ASAH1: variants seen among roughly 807,000 people sequenced by gnomAD.
The protein encoded by ASAH1 is N-acylsphingosine amidohydrolase 1.
Under a neutral mutation model 59.5 loss-of-function variants are expected in ASAH1, and 70 were observed. The ratio of observed to expected loss-of-function variants is 1.18; its 90% CI spans 0.97 to 1.43. ASAH1 has a LOEUF of 1.43. ASAH1 is among the 40% of genes most tolerant of loss of function. The pLI is 0.00. For missense variants in ASAH1, 660 were observed against 482.5 expected, an observed-to-expected ratio of 1.37 and a Z score of -3.45; for synonymous variants, 213 against 166.5, an observed-to-expected ratio of 1.28 and a Z score of -2.15.
chr8:18,080,544 A>G (rs1800609405), intron 1 of ASAH1, among the ~76,000 whole-genome samples: 1 of 151,932 alleles, frequency 6.6e-6, no homozygotes, highest in African/African-American at 2.4e-5. Context: ...TTCCTGTTCC[A>G]CTTACTCTCC....
chr8:18,057,490 G>A lies in ASAH1; in HGVS notation c.*44C>T, dbSNP rs778324510. The A allele has an allele frequency of 4.9e-6, 7 of 1,442,068 alleles. No individual in the cohort carries two copies. The highest frequency in any genetic ancestry group is 1.4e-5 in the African/African-American group (1 of 70,768). The allele number at this position is 1,442,068 out of a possible 1,614,324, so 89.3% of individuals were successfully genotyped here. A position where few individuals can be genotyped will look rare whatever the true frequency, so the allele number is the denominator to read the frequency against. ...CAGTGTTCGGTCACATGGAGATGGT[G>A]TCTTCATGTCTCAGAGGCCGCATTC... On this transcript the variant is annotated 3_prime_UTR_variant, in exon 14 of 14. Transcript: ENST00000637790.
intron 12 of ASAH1, 178 bp downstream of exon 12, chr8:18,059,163 C>G: frequency 1.1e-6 from 1 of 947,082 alleles, no homozygotes. Context: ...AAGGAAAGTA[C>G]AGCACAATTT....
At chr8:18,084,348 G>A (rs1015917400), upstream of ASAH1, 3 of 1,413,012 alleles carry the variant, frequency 2.1e-6, no homozygotes, top group Non-Finnish European at 1.8e-6. Flanking sequence ...CTCCCCCACC[G>A]CGGGCAATAG....
Position 18,062,864 on chromosome 8 carries a change from T to C in ASAH1, c.503+321A>G, listed in dbSNP as rs531918596. ...CTTCCTACAGACCAAAACAGTTCTG[T>C]GTTCTTTTTTTTTTTTTTTTTTTTG... On this transcript the variant is annotated intron_variant, in intron 7 of 13. Coordinates refer to ENST00000637790, the MANE Select transcript of ASAH1 (RefSeq NM_177924.5). The C allele has an allele frequency of 9.9e-6, 3 of 304,194 alleles. No homozygotes were observed. The East Asian group carries it at 2.4e-4, about 24-fold the overall frequency. 18.8% of individuals were successfully genotyped at this position (304,194 alleles called of 1,614,324 possible).
intron 10 of ASAH1, 131 bp from the exon 11 acceptor site, chr8:18,059,834 A>C (rs1402547170): frequency 2.2e-6 from 2 of 903,664 alleles, no homozygotes; most frequent in Non-Finnish European, 3.3e-6. Context: ...ACATAGGTAC[A>C]CACGTGCCAT....
Position 18,057,634 on chromosome 8 carries a change from A to T in ASAH1, c.1099-11T>A. ...TGTGTATACGGTCAGCTGAAAGAAA[A>T]GTTATTTTTACTTTAAGGACGTTTT... On this transcript the variant is annotated splice_polypyrimidine_tract_variant and intron_variant, in intron 13 of 13. Coordinates refer to ENST00000637790, the MANE Select transcript of ASAH1 (RefSeq NM_177924.5). 6.3e-7 allele frequency: 1 copy of T among 1,583,472 alleles called. No individual in the cohort carries two copies. Among genetic ancestry groups the T allele is most frequent in the Non-Finnish European group, 8.6e-7 (1 of 1,158,844 alleles).
chr8:18,058,583 G>A (rs1398189929), intron 13 of ASAH1: 1 of 506,740 alleles, frequency 2.0e-6, no homozygotes, highest in Non-Finnish European at 3.5e-6. Flanking sequence ...AGAGTAAAAT[G>A]CTAGCCTTAA....
Position 18,056,178 on chromosome 8 carries a change from G to C in ASAH1, c.*1356C>G, listed in dbSNP as rs183517521. The C allele has an allele frequency of 2.0e-5, 3 of 152,068 alleles. No individual in the cohort carries two copies. The highest frequency in any genetic ancestry group is 7.2e-5 in the African/African-American group (3 of 41,472). The allele number at this position is 152,068 out of a possible 1,614,324, so 9.4% of individuals were successfully genotyped here. The stretch of plus-strand genomic sequence containing the variant: ...TCCTCGTTTCACTAAAGTAATCTTG[G>C]AATCACTAAAGTTTTGTGGAAGCAC... On this transcript the variant is annotated 3_prime_UTR_variant, in exon 14 of 14. Transcript: ENST00000637790.
At chr8:18,074,591 G>C (rs1370757810) in intron 2 of ASAH1, among the ~76,000 whole-genome samples, 1 of 152,182 alleles carries the variant, frequency 6.6e-6, no homozygotes, top group East Asian at 1.9e-4. Flanking sequence ...AGGAGAAAAA[G>C]ATCACCACCC....
chr8:18,073,190 T>C, intron 2 of ASAH1: 1 of 1,418,912 alleles, frequency 7.0e-7, no homozygotes, highest in South Asian at 1.2e-5. Flanking sequence ...TTAAACAGTT[T>C]TCTAAAACAT....
At chr8:18,076,562 T>C (rs1235330284) in intron 1 of ASAH1, 3 of 152,248 alleles carry the variant, frequency 2.0e-5, no homozygotes, top group Non-Finnish European at 4.4e-5. Context: ...CTTTATCTCC[T>C]TTCCTCTGGA....
chr8:18,084,617 G>A, upstream of ASAH1: 3 of 1,607,254 alleles, frequency 1.9e-6, no homozygotes, highest in South Asian at 3.3e-5. Context: ...GCAGTTGAGT[G>A]GCCGAGGAGT....
chr8:18,084,840 G>C (rs762013024), upstream of ASAH1: 4 of 1,608,918 alleles, frequency 2.5e-6, no homozygotes, highest in Non-Finnish European at 8.5e-7. Context: ...GAAGGACTCA[G>C]GTGGGCGGAG....
At chr8:18,075,879 A>C in intron 1 of ASAH1, 1 of 445,008 alleles carries the variant, frequency 2.2e-6, no homozygotes. Context: ...TAGATGGAAA[A>C]TATTTATGTT....
At chr8:18,063,360 G>A in intron 6 of ASAH1, 130 bp from the exon 7 acceptor site, 2 of 850,878 alleles carry the variant, frequency 2.4e-6, no homozygotes. Context: ...CTGGAGTGCA[G>A]TGGTGCGATC....
rs748763820 is a variant in ASAH1 at position 18,084,063 on chromosome 8, C to A, written c.-5G>T. On this transcript the variant is annotated 5_prime_UTR_variant, in exon 1 of 14. Transcript: ENST00000637790. ...GACGCAACTCCGGCCCGGCATCGCT[C>A]TAGCAGCCAACGCCACTCCCCGGAC... 4 of 1,598,498 alleles carry A rather than the reference C, an allele frequency of 2.5e-6. No individual in the cohort carries two copies. The highest frequency in any genetic ancestry group is 1.7e-5 in the Admixed American group (1 of 59,986).
At chr8:18,070,092 T>C (rs1475639197) in intron 3 of ASAH1, among the ~76,000 whole-genome samples, 1 of 152,134 alleles carries the variant, frequency 6.6e-6, no homozygotes, top group African/African-American at 2.4e-5. Context: ...GCGATTCTCC[T>C]GCCTCAGCCT....
chr8:18,073,020 G>A (rs1312041256), intron 2 of ASAH1, among the ~76,000 whole-genome samples: 3 of 152,062 alleles, frequency 2.0e-5, no homozygotes, highest in Non-Finnish European at 4.4e-5. Context: ...ACAACACAAC[G>A]GACAATGAAG....
In ASAH1 at chr8:18,063,306, T is replaced by G. The variant is rs914132689; in HGVS notation, c.458-76A>C. 193 of 1,186,796 alleles carry G rather than the reference T, an allele frequency of 1.6e-4. 1 individual carries two copies. In the South Asian group the frequency reaches 2.0e-3, roughly 13 times the overall value. The allele number at this position is 1,186,796 out of a possible 1,614,324, so 73.5% of individuals were successfully genotyped here. A position where few individuals can be genotyped will look rare whatever the true frequency, so the allele number is the denominator to read the frequency against. On this transcript the variant is annotated intron_variant, in intron 6 of 13. Coordinates refer to ENST00000637790, the MANE Select transcript of ASAH1 (RefSeq NM_177924.5). ...TCAAAGCTGGACAATTAATTTTGAT[T>G]AATTAATTTATTTTTGAGACAGAGT...
Sources: allele counts gnomAD v4.1 joint callset (sites outside exome capture counted in the v4.1 genomes callset), GRCh38; gene constraint gnomAD v4.1.1; transcripts MANE v1.5; gene names NCBI Gene and HGNC (gene_info 2026-07-23, HGNC 2026-07-21).